BCKDHB: variants seen among roughly 807,000 people sequenced by gnomAD.
BCKDHB encodes the protein branched chain keto acid dehydrogenase E1 subunit beta.
A neutral mutation model predicts 48.5 loss-of-function variants in BCKDHB; 41 were observed. That is an observed-to-expected ratio of 0.85 (90% CI 0.66 to 1.10). BCKDHB has a LOEUF of 1.10. Ranked by LOEUF, BCKDHB falls within the 50% of genes least tolerant of loss-of-function variation. The probability of loss-of-function intolerance (pLI) is 0.00; values close to 1 mark genes in which losing one functional copy is unlikely to be tolerated. For missense variants in BCKDHB, 496 were observed against 494.2 expected (o/e 1.00, Z -0.03); for synonymous variants, 201 against 174.8 (o/e 1.15, Z -1.18).
chr6:80,448,619 T>TA, the BCKDHB span, among the ~76,000 whole-genome samples: 1 of 152,208 alleles, frequency 6.6e-6, no homozygotes, highest in Non-Finnish European at 1.5e-5. Context: ...ATTGTATTAA[T>TA]AAATTTATAT....
chr6:80,364,179 C>A, the BCKDHB span, among the ~76,000 whole-genome samples: 3 of 152,146 alleles, frequency 2.0e-5, no homozygotes, highest in Admixed American at 2.0e-4. Context: ...CAGTGTGTAT[C>A]ACTTACATAT....
At chr6:80,253,944 G>GTTAA (rs201076849) in intron 8 of BCKDHB, among the ~76,000 whole-genome samples, 1 of 150,976 alleles carries the variant, frequency 6.6e-6, no homozygotes, top group Non-Finnish European at 1.5e-5. Flanking sequence ...CTTGAATTAA[G>GTTAA]TTAATTAATT....
At chr6:80,235,618 T>C (rs927655716) in intron 8 of BCKDHB, among the ~76,000 whole-genome samples, 6 of 152,202 alleles carry the variant, frequency 3.9e-5, no homozygotes, top group Admixed American at 6.5e-5. Flanking sequence ...ACATTTCTTC[T>C]CACTTGATTG....
intron 8 of BCKDHB, among the ~76,000 whole-genome samples, chr6:80,233,013 C>T (rs1284778283): frequency 2.6e-5 from 4 of 152,018 alleles, no homozygotes; most frequent in Admixed American, 2.6e-4. Context: ...TGCTTTTCTG[C>T]TGTCTTTTGT....
intron 9 of BCKDHB, among the ~76,000 whole-genome samples, chr6:80,314,576 C>T (rs1040894318): frequency 5.9e-5 from 9 of 152,190 alleles, no homozygotes; most frequent in Non-Finnish European, 8.8e-5. Context: ...ATTTGTAACT[C>T]GGGGTCTCAT....
At chr6:80,309,807 TA>T (rs774304787) in intron 9 of BCKDHB, among the ~76,000 whole-genome samples, 11 of 152,172 alleles carry the variant, frequency 7.2e-5, no homozygotes, top group Middle Eastern at 3.2e-3. Context: ...GCCACACAGG[TA>T]ATAAGCATAG....
the BCKDHB span, among the ~76,000 whole-genome samples, chr6:80,370,206 T>TA: frequency 1.3e-5 from 2 of 151,900 alleles, no homozygotes; most frequent in Non-Finnish European, 2.9e-5. Flanking sequence ...ATAGTCCAGT[T>TA]AAAAAAAGAG....
intron 6 of BCKDHB, among the ~76,000 whole-genome samples, chr6:80,174,634 G>A (rs1773068324): frequency 6.6e-6 from 1 of 152,194 alleles, no homozygotes; most frequent in Non-Finnish European, 1.5e-5. Context: ...ACATAGTCAA[G>A]TATAAGTAAG....
chr6:80,241,838 T>G (rs1038418132), intron 8 of BCKDHB, among the ~76,000 whole-genome samples: 1 of 152,218 alleles, frequency 6.6e-6, no homozygotes. Context: ...TAAATTTGCC[T>G]TTCTGTAATT....
chr6:80,166,510 G>A (rs922308920), intron 3 of BCKDHB, among the ~76,000 whole-genome samples: 1 of 151,972 alleles, frequency 6.6e-6, no homozygotes, highest in East Asian at 1.9e-4. Flanking sequence ...ACAAAAATTA[G>A]CTGGGTGTAG....
intron 3 of BCKDHB, among the ~76,000 whole-genome samples, chr6:80,144,195 G>T (rs538717922): frequency 1.3e-5 from 2 of 152,246 alleles, no homozygotes; most frequent in African/African-American, 2.4e-5. Context: ...AAGCCCACTG[G>T]ATTTATTCAG....
At chr6:80,179,713 T>C (rs1399680754) in intron 6 of BCKDHB, among the ~76,000 whole-genome samples, 1 of 152,182 alleles carries the variant, frequency 6.6e-6, no homozygotes, top group African/African-American at 2.4e-5. Flanking sequence ...TGCATTAATT[T>C]CTCCATTGGC....
At chr6:80,319,142 C>G (rs1470083050) in intron 9 of BCKDHB, among the ~76,000 whole-genome samples, 1 of 152,086 alleles carries the variant, frequency 6.6e-6, no homozygotes, top group Non-Finnish European at 1.5e-5. Flanking sequence ...TTCACTCAGG[C>G]CTTATGGAAT....
chr6:80,404,514 AAAG>A, the BCKDHB span, among the ~76,000 whole-genome samples: 12 of 151,926 alleles, frequency 7.9e-5, no homozygotes, highest in African/African-American at 2.4e-4. Context: ...TTCAAAAAAC[AAAG>A]TATTAGTTTC....
At chr6:80,361,035 A>C in the BCKDHB span, among the ~76,000 whole-genome samples, 9 of 151,950 alleles carry the variant, frequency 5.9e-5, no homozygotes, top group African/African-American at 9.7e-5. Context: ...AATGAAAAAA[A>C]ATTAGAAAGT....
intron 1 of BCKDHB, among the ~76,000 whole-genome samples, chr6:80,126,081 T>C (rs1397319684): frequency 6.6e-6 from 1 of 152,210 alleles, no homozygotes; most frequent in Non-Finnish European, 1.5e-5. Flanking sequence ...TATGATTGTA[T>C]ATCTTTTGCC....
chr6:80,461,859 AC>A, the BCKDHB span, among the ~76,000 whole-genome samples: 1 of 152,324 alleles, frequency 6.6e-6, no homozygotes, highest in East Asian at 1.9e-4. Flanking sequence ...CCAACAGATG[AC>A]AGCAAAATTT....
At chr6:80,337,971 C>G (rs1440576513) in intron 9 of BCKDHB, among the ~76,000 whole-genome samples, 1 of 152,164 alleles carries the variant, frequency 6.6e-6, no homozygotes, top group Non-Finnish European at 1.5e-5. Flanking sequence ...ATTTATCAGT[C>G]TATACCAGCT....
chr6:80,390,320 C>T, the BCKDHB span, among the ~76,000 whole-genome samples: 6 of 13,922 alleles, frequency 4.3e-4, no homozygotes, highest in Admixed American at 1.7e-3. Context: ...TGGGTCACTC[C>T]GCCAGGAAAA....
Sources: allele counts gnomAD v4.1 joint callset (sites outside exome capture counted in the v4.1 genomes callset), GRCh38; gene constraint gnomAD v4.1.1; transcripts MANE v1.5; gene names NCBI Gene and HGNC (gene_info 2026-07-23, HGNC 2026-07-21).